Variants in GRM8 observed in about 807,000 individuals in gnomAD.
GRM8 encodes metabotropic glutamate receptor 8.
A neutral mutation model predicts 87.2 loss-of-function variants in GRM8; 47 were observed. The observed-to-expected ratio is 0.54, with a 90% CI of 0.43 to 0.69. GRM8 has a LOEUF of 0.69. GRM8 is among the 30% of genes least tolerant of loss of function. The pLI, the probability that GRM8 is intolerant of heterozygous loss-of-function variation, is 0.00. For synonymous variants in GRM8, 396 were observed against 404.5 expected (o/e 0.98, Z 0.25); for missense variants, 1,019 against 1,139.2 (o/e 0.89, Z 1.52).
intron 9 of GRM8, among the ~76,000 whole-genome samples, chr7:126,462,988 TGCCTGGCCA>T (rs1194924229): frequency 2.6e-5 from 4 of 151,462 alleles, no homozygotes; most frequent in African/African-American, 9.7e-5. Flanking sequence ...TTCTGGGGAG[TGCCTGGCCA>T]GTCATCGACT....
At chr7:126,883,847 G>T (rs1800240338) in intron 6 of GRM8, among the ~76,000 whole-genome samples, 1 of 152,000 alleles carries the variant, frequency 6.6e-6, no homozygotes, top group Non-Finnish European at 1.5e-5. Flanking sequence ...AGAGATGGAT[G>T]ATACACAGAT....
At chr7:126,454,766 C>G (rs575153187) in intron 9 of GRM8, among the ~76,000 whole-genome samples, 2 of 151,714 alleles carry the variant, frequency 1.3e-5, no homozygotes, top group South Asian at 4.2e-4. Flanking sequence ...AGGAAAATCA[C>G]GTGATAACAC....
chr7:126,547,218 A>T (rs1180634268), intron 8 of GRM8, among the ~76,000 whole-genome samples: 2 of 152,200 alleles, frequency 1.3e-5, no homozygotes, highest in Non-Finnish European at 2.9e-5. Context: ...ATATAAATGG[A>T]AGTCCAAAGA....
intron 2 of GRM8, among the ~76,000 whole-genome samples, chr7:127,181,514 C>CA (rs1450719709): frequency 6.6e-6 from 1 of 151,722 alleles, no homozygotes; most frequent in Non-Finnish European, 1.5e-5. Flanking sequence ...CATATGGAAC[C>CA]AAAAAAAGAG....
chr7:126,689,411 T>C (rs949265143), intron 7 of GRM8, among the ~76,000 whole-genome samples: 1 of 152,226 alleles, frequency 6.6e-6, no homozygotes, highest in African/African-American at 2.4e-5. Flanking sequence ...AGATAATATA[T>C]TTAAAATGTT....
intron 3 of GRM8, among the ~76,000 whole-genome samples, chr7:127,069,253 T>C (rs928910219): frequency 3.3e-5 from 5 of 152,142 alleles, no homozygotes; most frequent in African/African-American, 1.2e-4. Flanking sequence ...ACCTCCACCC[T>C]GTGAGTTCAA....
At chr7:126,477,598 A>AGAAG (rs1806123856) in intron 9 of GRM8, among the ~76,000 whole-genome samples, 1 of 65,340 alleles carries the variant, frequency 1.5e-5, no homozygotes, top group Non-Finnish European at 4.3e-5. Flanking sequence ...AAAGAAAGAA[A>AGAAG]GAAAGAAAGA....
At chr7:127,005,864 G>T (rs889818846) in intron 3 of GRM8, among the ~76,000 whole-genome samples, 1 of 151,808 alleles carries the variant, frequency 6.6e-6, no homozygotes, top group Non-Finnish European at 1.5e-5. Context: ...TTTTAGGAAA[G>T]AATTTTAAGA....
At chr7:126,747,203 T>A (rs1157770928) in intron 7 of GRM8, among the ~76,000 whole-genome samples, 2 of 152,004 alleles carry the variant, frequency 1.3e-5, no homozygotes, top group Non-Finnish European at 2.9e-5. Flanking sequence ...TACATAGACG[T>A]TACTTTCTCA....
intron 3 of GRM8, among the ~76,000 whole-genome samples, chr7:127,018,831 C>T (rs1387994819): frequency 1.3e-5 from 2 of 151,858 alleles, no homozygotes; most frequent in South Asian, 2.1e-4. Flanking sequence ...ATGAAAGCCA[C>T]GTACTAAGGA....
chr7:127,172,536 C>G (rs112169254), intron 2 of GRM8, among the ~76,000 whole-genome samples: 3,152 of 151,980 alleles, frequency 0.021, 106 homozygotes, highest in African/African-American at 0.073. Flanking sequence ...GAAACCCCAT[C>G]TGTACTAAAA....
chr7:126,518,508 G>A (rs1325150799), intron 9 of GRM8, among the ~76,000 whole-genome samples: 2 of 152,004 alleles, frequency 1.3e-5, no homozygotes, highest in Non-Finnish European at 2.9e-5. Flanking sequence ...TTCTGCCTAA[G>A]ATAGCTCATA....
intron 6 of GRM8, among the ~76,000 whole-genome samples, chr7:126,778,134 T>C (rs1186098554): frequency 1.3e-5 from 2 of 152,282 alleles, no homozygotes; most frequent in East Asian, 1.9e-4. Context: ...CACTACCTTA[T>C]CTATTTACAA....
intron 9 of GRM8, among the ~76,000 whole-genome samples, chr7:126,491,140 C>T (rs1171557124): frequency 2.0e-5 from 3 of 152,010 alleles, no homozygotes; most frequent in Non-Finnish European, 4.4e-5. Flanking sequence ...TTGAATGTTT[C>T]CAACCAAACT....
intron 8 of GRM8, among the ~76,000 whole-genome samples, chr7:126,534,618 C>T (rs928253792): frequency 2.0e-5 from 3 of 152,088 alleles, no homozygotes; most frequent in African/African-American, 7.2e-5. Flanking sequence ...TGCTTAGTAT[C>T]GCTTCAGGGC....
At chr7:126,788,921 A>G (rs1820975635) in intron 6 of GRM8, among the ~76,000 whole-genome samples, 2 of 152,146 alleles carry the variant, frequency 1.3e-5, no homozygotes, top group South Asian at 4.1e-4. Context: ...CTCAGAGTGT[A>G]TTTGAAATCT....
chr7:126,494,132 C>A (rs1017868977), intron 9 of GRM8, among the ~76,000 whole-genome samples: 2 of 151,996 alleles, frequency 1.3e-5, no homozygotes, highest in African/African-American at 4.8e-5. Context: ...ATGAAGATGA[C>A]CATTTTCTCA....
intron 3 of GRM8, among the ~76,000 whole-genome samples, chr7:126,967,419 C>A (rs978433760): frequency 3.9e-5 from 6 of 152,166 alleles, no homozygotes; most frequent in African/African-American, 1.4e-4. Context: ...TACATATTCA[C>A]ACACATTTTT....
intron 9 of GRM8, among the ~76,000 whole-genome samples, chr7:126,518,402 G>A (rs1013719621): frequency 2.0e-5 from 3 of 151,996 alleles, no homozygotes; most frequent in African/African-American, 7.2e-5. Context: ...ATACTGAGAG[G>A]TATCTGCTGT....
Sources: gnomAD v4.1 joint callset for allele counts (sites outside exome capture counted in the v4.1 genomes callset) on GRCh38, gnomAD v4.1.1 for gene constraint, MANE v1.5 for transcripts, NCBI Gene and HGNC (gene_info 2026-07-23, HGNC 2026-07-21) for gene names.